SMARCB1: variants seen among roughly 807,000 people sequenced by gnomAD.
The protein encoded by SMARCB1 is SWI/SNF-related matrix-associated actin-dependent regulator of chromatin subfamily B member 1.
SMARCB1 carries 5 observed loss-of-function variants against 49.0 expected under a neutral mutation model. That is an observed-to-expected ratio of 0.10 (90% CI 0.05 to 0.21). The LOEUF (loss-of-function observed/expected upper bound fraction) is 0.21, where lower values mean the gene tolerates loss of function less well. Among genes scored for constraint, SMARCB1 ranks in the 10% least tolerant of loss-of-function variants. The pLI, the probability that SMARCB1 is intolerant of heterozygous loss-of-function variation, is 1.00. For missense variants in SMARCB1, 226 were observed against 509.2 expected, an observed-to-expected ratio of 0.44 and a Z score of 5.35; for synonymous variants, 201 against 200.1, an observed-to-expected ratio of 1.00 and a Z score of -0.04.
chr22:23,799,581 C>G (rs574135055), intron 3 of SMARCB1, among the ~76,000 whole-genome samples: 18 of 141,428 alleles, frequency 1.3e-4, no homozygotes, highest in African/African-American at 4.7e-4. Flanking sequence ...GGTGTAATCT[C>G]GGCTCACTGC....
chr22:23,797,470 G>A (rs549880230), intron 3 of SMARCB1, among the ~76,000 whole-genome samples: 3 of 150,096 alleles, frequency 2.0e-5, no homozygotes, highest in East Asian at 2.0e-4. Context: ...CACCACGCCC[G>A]TCTAATTTTT....
At chr22:23,811,676 T>A (rs942802998) in intron 5 of SMARCB1, among the ~76,000 whole-genome samples, 3 of 152,142 alleles carry the variant, frequency 2.0e-5, no homozygotes, top group African/African-American at 7.2e-5. Flanking sequence ...TATCAGAATT[T>A]GTGGGATAAA....
At position 23,816,767 on chromosome 22, in the gene SMARCB1, C is replaced by T. The variant is rs1930217761; in HGVS notation, c.629-3C>T. 6.2e-7 allele frequency: 1 copy of T among 1,613,152 alleles called. No homozygotes were observed. Among genetic ancestry groups the T allele is most frequent in the Non-Finnish European group, 8.5e-7 (1 of 1,179,664 alleles). On this transcript the variant is annotated splice_region_variant and splice_polypyrimidine_tract_variant and intron_variant, in intron 5 of 8. Coordinates refer to ENST00000644036, the MANE Select transcript of SMARCB1 (RefSeq NM_003073.5). ...TGGCATCCCTTCCCTCTCCTGATTTCAGAGAAGTTGATGACGCCTGAGATG... is the reference window on the plus strand; with the variant it reads ...TGGCATCCCTTCCCTCTCCTGATTTTAGAGAAGTTGATGACGCCTGAGATG...
intron 6 of SMARCB1, among the ~76,000 whole-genome samples, chr22:23,822,300 T>C (rs536560658): frequency 6.6e-6 from 1 of 152,216 alleles, no homozygotes; most frequent in Admixed American, 6.5e-5. Flanking sequence ...TCAGACCCTG[T>C]GGCACTGTCC....
intron 6 of SMARCB1, among the ~76,000 whole-genome samples, chr22:23,822,280 G>A (rs9612470): frequency 0.12 from 18,793 of 152,218 alleles, 1,247 homozygotes; most frequent in South Asian, 0.27. Context: ...TGCTGCTGCA[G>A]TTTGAGCCAT....
chr22:23,816,565 G>T, intron 5 of SMARCB1: 1 of 648,818 alleles, frequency 1.5e-6, no homozygotes, highest in Admixed American at 2.3e-5. Flanking sequence ...GGAGCAGGAG[G>T]TCTGTGCAGG....
intron 5 of SMARCB1, among the ~76,000 whole-genome samples, chr22:23,807,507 T>C (rs922660308): frequency 5.3e-5 from 8 of 151,754 alleles, no homozygotes; most frequent in African/African-American, 1.7e-4. Flanking sequence ...CCCGGGAGGT[T>C]GAGGCTTCAG....
In SMARCB1 at chr22:23,834,418, C is replaced by G. The variant is rs773721721; in HGVS notation, c.*238C>G. On this transcript the variant is annotated 3_prime_UTR_variant, in exon 9 of 9. Transcript: ENST00000644036. ...CCCAGTCTCTGGGGTCAGGAAGAAACCTTATTTTAGGTTGTGTTTTGTTTT... is the reference window on the plus strand; with the variant it reads ...CCCAGTCTCTGGGGTCAGGAAGAAAGCTTATTTTAGGTTGTGTTTTGTTTT... 3.5e-5 allele frequency: 20 copies of G among 574,434 alleles called. No individual in the cohort carries two copies. Among genetic ancestry groups the G allele is most frequent in the South Asian group, 3.2e-4 (20 of 62,552 alleles). The allele number at this position is 574,434 out of a possible 1,614,324, so 35.6% of individuals were successfully genotyped here.
At chr22:23,787,286 C>G (rs1928052231) in intron 1 of SMARCB1, 24 bp downstream of exon 1, 2 of 1,455,036 alleles carry the variant, frequency 1.4e-6, no homozygotes, top group Non-Finnish European at 1.9e-6. Flanking sequence ...CGTTCTCGCC[C>G]TCCCCGGGCT....
chr22:23,837,526 G>T lies in SMARCB1; in HGVS notation c.*3346G>T. 2.1e-6 allele frequency: 2 copies of T among 947,734 alleles called. No homozygotes were observed. The highest frequency in any genetic ancestry group is 3.1e-6 in the Non-Finnish European group (2 of 640,028). 58.7% of individuals were successfully genotyped at this position (947,734 alleles called of 1,614,324 possible). ...GCTGTAAGAGCACAGCAGCTGGGAG[G>T]GCAGGAAGATGGGGATGGAGCCAGG... is the stretch of plus-strand genomic sequence containing the variant. On this transcript the variant is annotated 3_prime_UTR_variant, in exon 9 of 9. Coordinates refer to ENST00000644036, the MANE Select transcript of SMARCB1 (RefSeq NM_003073.5).
At chr22:23,790,322 G>T (rs766202047) in intron 1 of SMARCB1, among the ~76,000 whole-genome samples, 4 of 152,156 alleles carry the variant, frequency 2.6e-5, no homozygotes, top group Non-Finnish European at 5.9e-5. Flanking sequence ...TGTGGAAAGC[G>T]AGTGACTTGC....
Position 23,798,209 on chromosome 22 carries a change from C to T in SMARCB1, c.363-2735C>T, listed in dbSNP as rs117701640. 8.5e-5 allele frequency among the ~76,000 whole-genome samples: 13 copies of T among 152,272 alleles called. No individual in the cohort carries two copies. The East Asian group carries it at 1.4e-3, about 16-fold the overall frequency. On this transcript the variant is annotated intron_variant, in intron 3 of 8. Coordinates refer to ENST00000644036, the MANE Select transcript of SMARCB1 (RefSeq NM_003073.5). Reference sequence around the variant, plus strand: ...TGCAAAGAACACATCTTCTTGGGCCCTTCCTCAGAGGTGGGAAGTCACTCC... The same window carrying T: ...TGCAAAGAACACATCTTCTTGGGCCTTTCCTCAGAGGTGGGAAGTCACTCC...
chr22:23,829,824 G>A (rs1203260689), intron 7 of SMARCB1, among the ~76,000 whole-genome samples: 2 of 152,066 alleles, frequency 1.3e-5, no homozygotes, highest in African/African-American at 2.4e-5. Context: ...GTTCCTCCCC[G>A]CTGTCTCTCA....
intron 3 of SMARCB1, 45 bp from the exon 4 acceptor site, chr22:23,800,899 C>G (rs1465206307): frequency 5.6e-6 from 8 of 1,424,226 alleles, no homozygotes; most frequent in Non-Finnish European, 7.9e-6. Context: ...TGGGCAGGAT[C>G]AGGCTCCTAT....
intron 1 of SMARCB1, among the ~76,000 whole-genome samples, chr22:23,790,943 T>G (rs1422628043): frequency 6.6e-6 from 1 of 152,154 alleles, no homozygotes; most frequent in African/African-American, 2.4e-5. Context: ...TGGTCCTTCA[T>G]GGGGGTGAAG....
chr22:23,795,365 TAAA>T (rs1200825290), intron 3 of SMARCB1, among the ~76,000 whole-genome samples: 4 of 151,510 alleles, frequency 2.6e-5, no homozygotes, highest in Admixed American at 6.6e-5. Flanking sequence ...TTAAAAAAAA[TAAA>T]AAACAGGCCG....
chr22:23,837,260 C>A lies in SMARCB1; in HGVS notation c.*3080C>A. 2 of 1,400,554 alleles carry A rather than the reference C, an allele frequency of 1.4e-6. No individual in the cohort carries two copies. Among genetic ancestry groups the A allele is most frequent in the Non-Finnish European group, 2.0e-6 (2 of 1,020,452 alleles). The allele number at this position is 1,400,554 out of a possible 1,614,324, so 86.8% of individuals were successfully genotyped here. A position where few individuals can be genotyped will look rare whatever the true frequency, so the allele number is the denominator to read the frequency against. ...CCACAGCCTGGTGGCCCTGCAGGCC[C>A]CACAGCATGAGTGCCCCAAAGCCTT... On this transcript the variant is annotated 3_prime_UTR_variant, in exon 9 of 9. Transcript: ENST00000644036.
At chr22:23,802,104 C>G (rs1929191869) in intron 4 of SMARCB1, 1 of 154,384 alleles carries the variant, frequency 6.5e-6, no homozygotes. Flanking sequence ...TCCCTGCTGC[C>G]TTCTCAGCTC....
At chr22:23,822,866 C>T (rs1310865692) in intron 6 of SMARCB1, among the ~76,000 whole-genome samples, 1 of 151,884 alleles carries the variant, frequency 6.6e-6, no homozygotes, top group Non-Finnish European at 1.5e-5. Context: ...CTCCCCCTCC[C>T]TCCCTTTCCT....
Sources: allele counts gnomAD v4.1 joint callset (sites outside exome capture counted in the v4.1 genomes callset), GRCh38; gene constraint gnomAD v4.1.1; transcripts MANE v1.5; gene names NCBI Gene and HGNC (gene_info 2026-07-23, HGNC 2026-07-21).